The following FAM217A variants were observed in gnomAD, a reference collection of about 807,000 sequenced individuals.
FAM217A encodes family with sequence similarity 217 member A.
FAM217A carries 13 observed loss-of-function variants against 18.5 expected under a neutral mutation model. The observed-to-expected ratio is 0.70, with a 90% CI of 0.46 to 1.12. FAM217A has a LOEUF of 1.12. FAM217A is among the 50% of genes most tolerant of loss of function. The pLI is 0.00. For missense variants in FAM217A, 560 were observed against 575.4 expected, an observed-to-expected ratio of 0.97 and a Z score of 0.27; for synonymous variants, 161 against 202.8, an observed-to-expected ratio of 0.79 and a Z score of 1.75.
chr6:4,083,402 C>T (rs1455959750), upstream of FAM217A, among the ~76,000 whole-genome samples: 11 of 152,184 alleles, frequency 7.2e-5, no homozygotes, highest in Admixed American at 6.5e-4. Flanking sequence ...AGGGAAAAGC[C>T]TTCTATTTCA....
At chr6:4,085,308 A>AT (rs1770576502) in intron 1 of FAM217A, among the ~76,000 whole-genome samples, 1 of 133,564 alleles carries the variant, frequency 7.5e-6, no homozygotes, top group African/African-American at 3.0e-5. Context: ...CATTGTAAAA[A>AT]AAAATATATA....
intron 6 of FAM217A, among the ~76,000 whole-genome samples, chr6:4,072,064 C>T (rs999712077): frequency 1.3e-5 from 2 of 152,144 alleles, no homozygotes; most frequent in Non-Finnish European, 2.9e-5. Flanking sequence ...ATTCAGGGGC[C>T]GGGCACGGTG....
At chr6:4,073,111 C>T (rs1304701735) in intron 6 of FAM217A, among the ~76,000 whole-genome samples, 164 bp downstream of exon 6, 1 of 152,210 alleles carries the variant, frequency 6.6e-6, no homozygotes, top group African/African-American at 2.4e-5. Context: ...GTGGTATCTG[C>T]AGCCACTTCC....
rs370807465 is a variant in FAM217A at position 4,069,333 on chromosome 6, T to C, written c.890A>G (p.Gln297Arg). ...CCTCTCTTTTTGAATAGTCATATGT[T>C]GTAATCGTTCTAGTTCCAGTAAACG... ...ITRLLELERL[Q>R]HMTIQKERPR... Residue 297 changes from glutamine to arginine, a missense_variant, in exon 7 of 7, where the codon CAA becomes CGA. Physicochemically the swap from Gln to Arg is conservative, Grantham distance 43. Transcript: ENST00000274673. 3.7e-6 allele frequency: 6 copies of C among 1,614,052 alleles called. No individual in the cohort carries two copies. In the African/African-American group the frequency reaches 8.0e-5, roughly 22 times the overall value.
Position 4,073,337 on chromosome 6 carries a change from A to G in FAM217A, c.240T>C (p.Ser80=). 6.2e-7 allele frequency: 1 copy of G among 1,609,278 alleles called. No homozygotes were observed. Among genetic ancestry groups the G allele is most frequent in the Non-Finnish European group, 8.5e-7 (1 of 1,178,394 alleles). ...TCCATAATTGAAAGATCCCTTGTTTACTATTCTGATGACAGAAAAATAATG... is the reference window on the plus strand; with the variant it reads ...TCCATAATTGAAAGATCCCTTGTTTGCTATTCTGATGACAGAAAAATAATG... ...SVHSQKSTQN[S]KQGIFQLWNC... Residue 80 remains serine, a synonymous_variant, in exon 6 of 7, where the codon AGT becomes AGC. Coordinates refer to ENST00000274673, the MANE Select transcript of FAM217A (RefSeq NM_173563.3).
At chr6:4,079,207 G>T (rs1177295054), upstream of FAM217A, 8 of 281,664 alleles carry the variant, frequency 2.8e-5, no homozygotes, top group Non-Finnish European at 1.3e-5. Flanking sequence ...CAAGGTCCAC[G>T]CGTATTCGCG....
chr6:4,080,597 A>G (rs936572870), upstream of FAM217A, among the ~76,000 whole-genome samples: 1 of 152,124 alleles, frequency 6.6e-6, no homozygotes, highest in Non-Finnish European at 1.5e-5. Context: ...GCTGTTTTCC[A>G]TACTGCTGCT....
upstream of FAM217A, among the ~76,000 whole-genome samples, chr6:4,081,503 G>C (rs748417826): frequency 1.3e-5 from 2 of 152,206 alleles, no homozygotes; most frequent in Non-Finnish European, 2.9e-5. Flanking sequence ...AGTAGAGACG[G>C]GTTTTGCCAT....
chr6:4,078,261 C>T (rs1365199658), intron 1 of FAM217A, among the ~76,000 whole-genome samples: 1 of 151,892 alleles, frequency 6.6e-6, no homozygotes, highest in Non-Finnish European at 1.5e-5. Context: ...ACCATGTTGG[C>T]CAGGCTGGTC....
upstream of FAM217A, among the ~76,000 whole-genome samples, chr6:4,084,016 C>T (rs748052771): frequency 8.5e-5 from 13 of 152,224 alleles, no homozygotes; most frequent in East Asian, 9.6e-4. Flanking sequence ...TATGGTTTAG[C>T]GATCTGGTCT....
At position 4,077,442 on chromosome 6, in the gene FAM217A, T is replaced by C. The variant is rs1229158667; in HGVS notation, c.-28A>G. On this transcript the variant is annotated 5_prime_UTR_variant, in exon 2 of 7. Coordinates refer to ENST00000274673, the MANE Select transcript of FAM217A (RefSeq NM_173563.3). ...TGTTGTAGCTGTTGCTCTGTTTCCT[T>C]AAAATCCTACACAGATTGCGGGATA... is the stretch of plus-strand genomic sequence containing the variant. 3.1e-6 allele frequency: 5 copies of C among 1,612,972 alleles called. No individual in the cohort carries two copies.
chr6:4,071,356 C>A (rs1769399404), intron 6 of FAM217A, among the ~76,000 whole-genome samples: 1 of 152,184 alleles, frequency 6.6e-6, no homozygotes, highest in South Asian at 2.1e-4. Context: ...TACCAAACTT[C>A]CATCTCTGCA....
intron 6 of FAM217A, 99 bp from the exon 7 acceptor site, chr6:4,070,019 GT>G: frequency 1.1e-6 from 1 of 897,106 alleles, no homozygotes; most frequent in Non-Finnish European, 1.6e-6. Flanking sequence ...ATTGGTTAAT[GT>G]TTAGTTCCCA....
At chr6:4,077,575 G>A in intron 1 of FAM217A, 127 bp from the exon 2 acceptor site, 2 of 786,606 alleles carry the variant, frequency 2.5e-6, no homozygotes, top group East Asian at 2.7e-5. Flanking sequence ...AGAGGGGCTA[G>A]GAGAGCAGGG....
rs1348541765 is a variant in FAM217A at position 4,069,924 on chromosome 6, TA to T, written c.303-5del. 6 of 1,529,246 alleles carry T rather than the reference TA, an allele frequency of 3.9e-6. No homozygotes were observed. The African/African-American group carries it at 5.6e-5, about 14-fold the overall frequency. 94.7% of individuals were successfully genotyped at this position (1,529,246 alleles called of 1,614,324 possible). A position where few individuals can be genotyped will look rare whatever the true frequency, so the allele number is the denominator to read the frequency against. On this transcript the variant is annotated splice_polypyrimidine_tract_variant and splice_region_variant and intron_variant, in intron 6 of 6. Transcript: ENST00000274673. ...CACTGAAGATTTTTTGAATTCCCTT[TA>T]AAAAATAATTTAATTAATGAATGGT...
chr6:4,083,063 C>T (rs1209421952), upstream of FAM217A, among the ~76,000 whole-genome samples: 1 of 152,208 alleles, frequency 6.6e-6, no homozygotes, highest in Non-Finnish European at 1.5e-5. Context: ...TAAATCTGCA[C>T]CTCTTTAGCT....
chr6:4,068,537 G>A lies in FAM217A; in HGVS notation c.*159C>T. The A allele has an allele frequency of 1.5e-6, 1 of 685,804 alleles. No individual in the cohort carries two copies. Among genetic ancestry groups the A allele is most frequent in the Non-Finnish European group, 2.4e-6 (1 of 424,744 alleles). The allele number at this position is 685,804 out of a possible 1,614,324, so 42.5% of individuals were successfully genotyped here. A position where few individuals can be genotyped will look rare whatever the true frequency, so the allele number is the denominator to read the frequency against. On this transcript the variant is annotated 3_prime_UTR_variant, in exon 7 of 7. Transcript: ENST00000274673. ...TGTGGGTTTATATATAGACATCTCA[G>A]CAGTGCTTTTCACAAGTTCTACTCC...
rs1210338982 is a variant in FAM217A at position 4,079,003 on chromosome 6, TG to T, written c.-187del. On this transcript the variant is annotated 5_prime_UTR_variant, in exon 1 of 7. Transcript: ENST00000274673. ...GGGGACAAAGAGGGCGGCGGGCGGC[TG>T]GCGGCCTTGAGCGCAGCCCGGTCGG... 9 of 473,690 alleles carry T rather than the reference TG, an allele frequency of 1.9e-5. No homozygotes were observed. The highest frequency in any genetic ancestry group is 3.0e-5 in the Non-Finnish European group (8 of 268,766). The allele number at this position is 473,690 out of a possible 1,614,324, so 29.3% of individuals were successfully genotyped here.
At chr6:4,079,924 C>G (rs903870919), upstream of FAM217A, among the ~76,000 whole-genome samples, 8 of 151,936 alleles carry the variant, frequency 5.3e-5, no homozygotes, top group African/African-American at 1.7e-4. Context: ...AAATGCATAT[C>G]TCCTATTACA....
Sources: allele counts gnomAD v4.1 joint callset (sites outside exome capture counted in the v4.1 genomes callset), GRCh38; gene constraint gnomAD v4.1.1; transcripts MANE v1.5; gene names NCBI Gene and HGNC (gene_info 2026-07-23, HGNC 2026-07-21).